ARHGAP26: variants seen among roughly 807,000 people sequenced by gnomAD.
ARHGAP26 encodes the protein rho GTPase-activating protein 26.
ARHGAP26 carries 38 observed loss-of-function variants against 104.8 expected under a neutral mutation model. The ratio of observed to expected loss-of-function variants is 0.36; its 90% CI spans 0.28 to 0.48. The LOEUF (loss-of-function observed/expected upper bound fraction) is 0.48. Among genes scored for constraint, ARHGAP26 ranks in the 20% least tolerant of loss-of-function variants. ARHGAP26 has a pLI of 0.99. For missense variants in ARHGAP26, 704 were observed against 947.9 expected (o/e 0.74, Z 3.38); for synonymous variants, 341 against 340.0 (o/e 1.00, Z -0.03).
Position 143,037,171 on chromosome 5 carries a change from G to T in ARHGAP26, c.1145-25G>T. The T allele has an allele frequency of 1.9e-6, 3 of 1,584,896 alleles. No homozygotes were observed. In the South Asian group the frequency reaches 3.4e-5, roughly 18 times the overall value. ...GGTTGATTTCCATGGCTAGCAACTT[G>T]ACTGTCCTTCTCTTGCTCTTTCAGC... On this transcript the variant is annotated intron_variant, in intron 12 of 22. Coordinates refer to ENST00000645722, the MANE Select transcript of ARHGAP26 (RefSeq NM_001135608.3).
At chr5:142,855,415 G>A (rs191982261) in intron 1 of ARHGAP26, among the ~76,000 whole-genome samples, 21 of 152,306 alleles carry the variant, frequency 1.4e-4, no homozygotes, top group African/African-American at 3.6e-4. Flanking sequence ...GGAGGCTCTC[G>A]TATCTTTTGC....
intron 1 of ARHGAP26, among the ~76,000 whole-genome samples, chr5:142,786,732 C>T (rs754591225): frequency 1.2e-4 from 18 of 149,436 alleles, no homozygotes; most frequent in Admixed American, 4.7e-4. Flanking sequence ...CTGCAACCTC[C>T]GCCTCCCGGG....
intron 11 of ARHGAP26, among the ~76,000 whole-genome samples, chr5:143,007,935 A>G (rs535699704): frequency 1.1e-4 from 16 of 152,342 alleles, no homozygotes; most frequent in Admixed American, 9.8e-4. Context: ...TTACATTGCC[A>G]ACAAGACCAA....
chr5:143,094,540 A>T (rs1008987077), intron 17 of ARHGAP26, among the ~76,000 whole-genome samples: 6 of 152,236 alleles, frequency 3.9e-5, no homozygotes, highest in Admixed American at 6.5e-5. Flanking sequence ...CCACAAAAGG[A>T]ATAGCACTTG....
chr5:143,153,530 A>C (rs1326706310), intron 20 of ARHGAP26, among the ~76,000 whole-genome samples: 2 of 152,232 alleles, frequency 1.3e-5, no homozygotes, highest in Non-Finnish European at 2.9e-5. Context: ...ATGCTGAGAA[A>C]GAAGTCAGGG....
At chr5:142,883,633 G>A (rs1234097099) in intron 4 of ARHGAP26, among the ~76,000 whole-genome samples, 1 of 152,242 alleles carries the variant, frequency 6.6e-6, no homozygotes, top group Non-Finnish European at 1.5e-5. Flanking sequence ...GGCTCCGAGT[G>A]TCCTGCCCCA....
chr5:143,124,973 T>G (rs1043676582), intron 18 of ARHGAP26, among the ~76,000 whole-genome samples: 3 of 152,212 alleles, frequency 2.0e-5, no homozygotes, highest in African/African-American at 7.2e-5. Context: ...GCATTGCCAT[T>G]TTTTATTCAA....
chr5:143,029,553 C>T (rs1246933717), intron 12 of ARHGAP26, among the ~76,000 whole-genome samples: 1 of 151,294 alleles, frequency 6.6e-6, no homozygotes, highest in Non-Finnish European at 1.5e-5. Context: ...CACAGGTTCA[C>T]ACCACCATGC....
At chr5:143,185,835 G>T (rs529670187) in intron 20 of ARHGAP26, among the ~76,000 whole-genome samples, 1 of 152,284 alleles carries the variant, frequency 6.6e-6, no homozygotes, top group South Asian at 2.1e-4. Flanking sequence ...GAGGAGTGAA[G>T]CTTCCCAGCC....
intron 1 of ARHGAP26, among the ~76,000 whole-genome samples, chr5:142,821,922 G>T (rs713141): frequency 0.04 from 6,156 of 152,260 alleles, 420 homozygotes; most frequent in African/African-American, 0.14. Flanking sequence ...GTCCTACATA[G>T]ATTAATTGAC....
intron 20 of ARHGAP26, among the ~76,000 whole-genome samples, chr5:143,149,491 T>C (rs1299656477): frequency 1.3e-5 from 2 of 152,166 alleles, no homozygotes; most frequent in African/African-American, 4.8e-5. Flanking sequence ...TGAGGTGATT[T>C]TCCTGGGATC....
At chr5:142,868,640 G>T (rs115663005) in intron 1 of ARHGAP26, among the ~76,000 whole-genome samples, 1 of 152,190 alleles carries the variant, frequency 6.6e-6, no homozygotes, top group Admixed American at 6.5e-5. Context: ...CTGGTGACTT[G>T]TGCGGCAGGG....
chr5:142,912,022 C>G (rs1761897756), intron 9 of ARHGAP26, among the ~76,000 whole-genome samples: 1 of 152,148 alleles, frequency 6.6e-6, no homozygotes, highest in African/African-American at 2.4e-5. Flanking sequence ...TCTGTTATTT[C>G]AACAAACTGG....
chr5:143,205,486 A>G (rs1006215279), intron 20 of ARHGAP26, among the ~76,000 whole-genome samples: 1 of 152,216 alleles, frequency 6.6e-6, no homozygotes, highest in African/African-American at 2.4e-5. Context: ...CTATCACTGT[A>G]TTGTCATTTT....
intron 7 of ARHGAP26, among the ~76,000 whole-genome samples, chr5:142,902,944 A>T (rs1760574929): frequency 6.6e-6 from 1 of 152,152 alleles, no homozygotes; most frequent in African/African-American, 2.4e-5. Flanking sequence ...TAGAGCTGTG[A>T]TGCAGATGCA....
At chr5:143,029,127 G>T (rs1350601054) in intron 12 of ARHGAP26, among the ~76,000 whole-genome samples, 1 of 152,136 alleles carries the variant, frequency 6.6e-6, no homozygotes, top group African/African-American at 2.4e-5. Context: ...TCTTCCCTCT[G>T]TGTGTGTGAA....
At chr5:143,085,133 C>T (rs749865904) in intron 17 of ARHGAP26, among the ~76,000 whole-genome samples, 6 of 151,930 alleles carry the variant, frequency 3.9e-5, no homozygotes, top group Non-Finnish European at 8.8e-5. Flanking sequence ...ATTGTGGTCC[C>T]GGCCCCGGAA....
At chr5:143,132,878 A>C (rs1048493575) in intron 18 of ARHGAP26, among the ~76,000 whole-genome samples, 1 of 148,216 alleles carries the variant, frequency 6.7e-6, no homozygotes, top group Non-Finnish European at 1.5e-5. Flanking sequence ...AAAAAAAAAA[A>C]CTGTTATCTT....
intron 17 of ARHGAP26, among the ~76,000 whole-genome samples, chr5:143,059,786 T>C (rs1786422931): frequency 6.6e-6 from 1 of 152,258 alleles, no homozygotes; most frequent in Non-Finnish European, 1.5e-5. Context: ...TTATGGCATG[T>C]TTTGATCATT....
Sources: allele counts gnomAD v4.1 joint callset (sites outside exome capture counted in the v4.1 genomes callset), GRCh38; gene constraint gnomAD v4.1.1; transcripts MANE v1.5; gene names NCBI Gene and HGNC (gene_info 2026-07-23, HGNC 2026-07-21).